Variants in RNF180 observed in about 807,000 individuals in gnomAD.
The protein encoded by RNF180 is ring finger protein 180.
A neutral mutation model predicts 59.2 loss-of-function variants in RNF180; 38 were observed. That is an observed-to-expected ratio of 0.64 (90% CI 0.50 to 0.84). RNF180 has a LOEUF of 0.84. RNF180 is among the 40% of genes least tolerant of loss of function. RNF180 has a pLI of 0.00. For missense variants in RNF180, 705 were observed against 700.9 expected, an observed-to-expected ratio of 1.01 and a Z score of -0.07; for synonymous variants, 262 against 240.3, an observed-to-expected ratio of 1.09 and a Z score of -0.84.
intron 1 of RNF180, among the ~76,000 whole-genome samples, chr5:64,189,214 G>A (rs938377181): frequency 3.3e-5 from 5 of 151,962 alleles, no homozygotes; most frequent in South Asian, 2.1e-4. Flanking sequence ...GGTAGCCCAA[G>A]CAGAATAGTG....
rs142785620 is a variant in RNF180 at position 64,213,648 on chromosome 5, G to A, written c.322G>A (p.Gly108Ser). The part of the protein sequence containing the change: ...NFVSTPKCSC[G>S]QLAAVHLSKS... ...TGTCAGCACTCCAAAATGTTCCTGT[G>A]GCCAGCTTGCAGCTGTACATCTCTC... Residue 108 changes from glycine (G) to serine (S), a missense_variant, in exon 4 of 8, where the codon GGC becomes AGC. Coordinates refer to ENST00000389100, the MANE Select transcript of RNF180 (RefSeq NM_001113561.2). The A allele has an allele frequency of 6.2e-7, 1 of 1,613,978 alleles. No homozygotes were observed. The highest frequency in any genetic ancestry group is 8.5e-7 in the Non-Finnish European group (1 of 1,179,980).
chr5:64,248,239 A>G (rs1743315225), intron 5 of RNF180, among the ~76,000 whole-genome samples: 2 of 152,230 alleles, frequency 1.3e-5, no homozygotes, highest in African/African-American at 4.8e-5. Context: ...CGTGGCAACA[A>G]AAGCCAAAAT....
chr5:64,240,164 A>C (rs1742713571), intron 5 of RNF180, among the ~76,000 whole-genome samples: 1 of 152,202 alleles, frequency 6.6e-6, no homozygotes, highest in Non-Finnish European at 1.5e-5. Context: ...ATAATATATA[A>C]CAGCATTTCA....
intron 1 of RNF180, among the ~76,000 whole-genome samples, chr5:64,188,253 A>C (rs75274121): frequency 6.6e-6 from 1 of 152,112 alleles, no homozygotes; most frequent in African/African-American, 2.4e-5. Context: ...TTTCCCTTAC[A>C]TTAAGGACAT....
At chr5:64,184,556 A>G (rs1750779936) in intron 1 of RNF180, among the ~76,000 whole-genome samples, 1 of 152,192 alleles carries the variant, frequency 6.6e-6, no homozygotes, top group African/African-American at 2.4e-5. Flanking sequence ...GCAAAGGTAC[A>G]ATAACTGCTT....
chr5:64,309,655 T>C (rs979578438), intron 5 of RNF180, among the ~76,000 whole-genome samples: 3 of 151,606 alleles, frequency 2.0e-5, no homozygotes, highest in African/African-American at 7.3e-5. Flanking sequence ...TAATATTTTC[T>C]TTAATATATT....
chr5:64,303,244 C>G (rs1206151652), intron 5 of RNF180, among the ~76,000 whole-genome samples: 6 of 151,470 alleles, frequency 4.0e-5, no homozygotes, highest in Non-Finnish European at 8.9e-5. Flanking sequence ...TTTCCTTGGG[C>G]CTCCCTGAGA....
chr5:64,177,565 A>ATATATATATATATATT (rs1184255289), intron 1 of RNF180, among the ~76,000 whole-genome samples: 1 of 128,058 alleles, frequency 7.8e-6, no homozygotes, highest in East Asian at 2.3e-4. Flanking sequence ...ATATATATAT[A>ATATATATATATATATT]TGTATTTATT....
chr5:64,363,573 C>CT (rs1746338088), intron 7 of RNF180, among the ~76,000 whole-genome samples: 1 of 151,820 alleles, frequency 6.6e-6, no homozygotes, highest in Non-Finnish European at 1.5e-5. Context: ...TATTCAGGCT[C>CT]TTTTTTGGTT....
rs143644277 is a variant in RNF180 at position 64,180,983 on chromosome 5, C to T, written c.-1+15030C>T. The stretch of plus-strand genomic sequence containing the variant: ...GCCAACAATGCAGCCTTCAGTCTGT[C>T]GCTGAAGGCTTGAGAGCCCATGGCA... On this transcript the variant is annotated intron_variant, in intron 1 of 7. Coordinates refer to ENST00000389100, the MANE Select transcript of RNF180 (RefSeq NM_001113561.2). Among the ~76,000 whole-genome samples, 572 of 152,264 alleles carry T rather than the reference C, an allele frequency of 3.8e-3. 3 individuals are homozygous for T. The highest frequency in any genetic ancestry group is 0.013 in the African/African-American group (553 of 41,552).
In RNF180 at chr5:64,262,524, G is replaced by A. The variant is rs150793005; in HGVS notation, c.1227+45128G>A. 2.0e-5 allele frequency among the ~76,000 whole-genome samples: 3 copies of A among 152,202 alleles called. No individual in the cohort carries two copies. The East Asian group carries it at 5.8e-4, about 29-fold the overall frequency. On this transcript the variant is annotated intron_variant, in intron 5 of 7. Transcript: ENST00000389100. ...GGCATAGAGTCCAAACTACCAATGA[G>A]TGTGAATTTGAAATATGTGTGATTT...
chr5:64,305,176 A>G (rs1225661851), intron 5 of RNF180, among the ~76,000 whole-genome samples: 3 of 151,624 alleles, frequency 2.0e-5, no homozygotes. Context: ...GCTTTATTGC[A>G]ATATTCACTT....
At chr5:64,187,750 A>T (rs1054198217) in intron 1 of RNF180, among the ~76,000 whole-genome samples, 1 of 152,216 alleles carries the variant, frequency 6.6e-6, no homozygotes, top group African/African-American at 2.4e-5. Flanking sequence ...TAATACAGGT[A>T]CTTGAAATAT....
intron 5 of RNF180, among the ~76,000 whole-genome samples, chr5:64,319,628 CA>C (rs1232557467): frequency 6.6e-6 from 1 of 152,096 alleles, no homozygotes; most frequent in Non-Finnish European, 1.5e-5. Context: ...TTCCTACTCC[CA>C]TTGGGTGGGC....
intron 5 of RNF180, among the ~76,000 whole-genome samples, chr5:64,320,616 A>G (rs971968156): frequency 1.3e-5 from 2 of 152,222 alleles, no homozygotes; most frequent in South Asian, 4.1e-4. Flanking sequence ...CTATACTAAT[A>G]AACCTAATCC....
chr5:64,262,072 A>AT (rs926411709), intron 5 of RNF180, among the ~76,000 whole-genome samples: 4 of 152,084 alleles, frequency 2.6e-5, no homozygotes, highest in African/African-American at 7.2e-5. Flanking sequence ...TTACCAAATA[A>AT]TTTTTTGCAT....
chr5:64,185,690 A>C (rs1338736624), intron 1 of RNF180, among the ~76,000 whole-genome samples: 1 of 152,244 alleles, frequency 6.6e-6, no homozygotes, highest in Non-Finnish European at 1.5e-5. Flanking sequence ...TCATTTCAGC[A>C]ACATATATAG....
At chr5:64,294,085 T>A (rs542938953) in intron 5 of RNF180, among the ~76,000 whole-genome samples, 1 of 152,326 alleles carries the variant, frequency 6.6e-6, no homozygotes, top group East Asian at 1.9e-4. Context: ...ATTGTAGACT[T>A]CTTTTCTAAC....
chr5:64,192,757 A>T lies in RNF180; in HGVS notation c.1-8051A>T, dbSNP rs1347868369. On this transcript the variant is annotated intron_variant, in intron 1 of 7. Transcript: ENST00000389100. ...ACATGATCCAGCAATCCTATGTCTGATGTATATACAGAATAATTGAAGTAA... is the reference window on the plus strand; with the variant it reads ...ACATGATCCAGCAATCCTATGTCTGTTGTATATACAGAATAATTGAAGTAA... Among the ~76,000 whole-genome samples, 3 of 151,892 alleles carry T rather than the reference A, an allele frequency of 2.0e-5. No individual in the cohort carries two copies. In the South Asian group the frequency reaches 6.2e-4, roughly 32 times the overall value.
Sources: allele counts gnomAD v4.1 joint callset (sites outside exome capture counted in the v4.1 genomes callset), GRCh38; gene constraint gnomAD v4.1.1; transcripts MANE v1.5; gene names NCBI Gene and HGNC (gene_info 2026-07-23, HGNC 2026-07-21).